The following MACROD2 variants were observed in gnomAD, a reference collection of about 807,000 sequenced individuals.
MACROD2 encodes mono-ADP ribosylhydrolase 2, also known as ADP-ribose glycohydrolase MACROD2.
MACROD2 carries 36 observed loss-of-function variants against 70.4 expected under a neutral mutation model. The ratio of observed to expected loss-of-function variants is 0.51; its 90% CI spans 0.39 to 0.68. MACROD2 has a LOEUF of 0.68. MACROD2 is among the 30% of genes least tolerant of loss of function. MACROD2 has a pLI of 0.00. For missense variants in MACROD2, 496 were observed against 538.4 expected (o/e 0.92, Z 0.78); for synonymous variants, 172 against 178.8 (o/e 0.96, Z 0.30).
intron 3 of MACROD2, among the ~76,000 whole-genome samples, chr20:14,162,592 T>C (rs2055206299): frequency 6.6e-6 from 1 of 152,192 alleles, no homozygotes; most frequent in Non-Finnish European, 1.5e-5. Flanking sequence ...TCTTGTGGAA[T>C]TGATCTCTTT....
intron 8 of MACROD2, among the ~76,000 whole-genome samples, chr20:15,697,219 T>G (rs534333556): frequency 6.6e-6 from 1 of 152,194 alleles, no homozygotes; most frequent in Non-Finnish European, 1.5e-5. Context: ...TAGCACTCCC[T>G]TTGCTGTATC....
At chr20:14,547,255 C>A (rs2085501602) in intron 4 of MACROD2, 2 of 579,682 alleles carry the variant, frequency 3.5e-6, no homozygotes, top group Non-Finnish European at 2.4e-6. Flanking sequence ...CGTGAAGGAT[C>A]TCATCAACCA....
chr20:14,371,791 G>A (rs1343281817), intron 3 of MACROD2, among the ~76,000 whole-genome samples: 1 of 151,840 alleles, frequency 6.6e-6, no homozygotes, highest in Non-Finnish European at 1.5e-5. Context: ...TTGTGCCTAG[G>A]TTCTCTCTTC....
chr20:15,549,938 C>G (rs1053115860), intron 8 of MACROD2, among the ~76,000 whole-genome samples: 2 of 151,892 alleles, frequency 1.3e-5, no homozygotes, highest in African/African-American at 4.8e-5. Flanking sequence ...CATATATACC[C>G]TAAGAAAAAG....
At chr20:14,330,865 A>T (rs1397150991) in intron 3 of MACROD2, among the ~76,000 whole-genome samples, 1 of 152,136 alleles carries the variant, frequency 6.6e-6, no homozygotes, top group Non-Finnish European at 1.5e-5. Context: ...AAGCTGCTGA[A>T]ATTATAATTA....
intron 8 of MACROD2, among the ~76,000 whole-genome samples, chr20:15,594,829 C>A (rs1198089239): frequency 6.6e-6 from 1 of 152,116 alleles, no homozygotes; most frequent in Non-Finnish European, 1.5e-5. Context: ...TACATTAGTT[C>A]TTTAATTCAC....
intron 7 of MACROD2, among the ~76,000 whole-genome samples, chr20:15,493,879 G>A (rs1025310577): frequency 2.0e-5 from 3 of 152,174 alleles, no homozygotes; most frequent in Non-Finnish European, 4.4e-5. Context: ...TAATAACCAA[G>A]TGAAAGGAAA....
At chr20:14,055,864 A>G (rs746366435) in intron 2 of MACROD2, among the ~76,000 whole-genome samples, 1 of 151,926 alleles carries the variant, frequency 6.6e-6, no homozygotes, top group Non-Finnish European at 1.5e-5. Flanking sequence ...TTTGGCTTGT[A>G]CATATTTGTA....
intron 8 of MACROD2, among the ~76,000 whole-genome samples, chr20:15,603,276 A>T (rs2048847230): frequency 6.6e-6 from 1 of 151,962 alleles, no homozygotes; most frequent in Non-Finnish European, 1.5e-5. Context: ...AAGCAGGTGG[A>T]TCCTTTGAGG....
intron 8 of MACROD2, among the ~76,000 whole-genome samples, chr20:15,854,293 G>A (rs1011720043): frequency 1.3e-5 from 2 of 152,116 alleles, no homozygotes; most frequent in African/African-American, 4.8e-5. Flanking sequence ...GGAAGAAAAA[G>A]AGCGCTCGTG....
At chr20:14,664,588 C>T (rs1264620853) in intron 4 of MACROD2, among the ~76,000 whole-genome samples, 1 of 152,024 alleles carries the variant, frequency 6.6e-6, no homozygotes, top group Non-Finnish European at 1.5e-5. Flanking sequence ...CTGAAAGATG[C>T]ACCATCCTGA....
At chr20:14,023,916 G>C (rs1482696988) in intron 2 of MACROD2, among the ~76,000 whole-genome samples, 1 of 152,132 alleles carries the variant, frequency 6.6e-6, no homozygotes, top group Non-Finnish European at 1.5e-5. Flanking sequence ...ATTTAAAGTA[G>C]TTTTTTCCAA....
At chr20:15,595,387 A>G (rs555285173) in intron 8 of MACROD2, among the ~76,000 whole-genome samples, 3 of 152,334 alleles carry the variant, frequency 2.0e-5, no homozygotes, top group African/African-American at 7.2e-5. Flanking sequence ...GTAATTAGCA[A>G]TGTATGATGA....
chr20:14,317,729 T>C (rs2082625842), intron 3 of MACROD2, among the ~76,000 whole-genome samples: 1 of 152,064 alleles, frequency 6.6e-6, no homozygotes, highest in Non-Finnish European at 1.5e-5. Context: ...GAACAGATAC[T>C]CAGTACATCA....
At chr20:15,982,668 C>G (rs1391524048) in intron 13 of MACROD2, among the ~76,000 whole-genome samples, 1 of 152,088 alleles carries the variant, frequency 6.6e-6, no homozygotes, top group Non-Finnish European at 1.5e-5. Context: ...CTCTCTGATA[C>G]CAGGAGTAAG....
rs1169417727 is a variant in MACROD2 at position 14,272,562 on chromosome 20, G to A, written c.271+186834G>A. Among the ~76,000 whole-genome samples, 30 of 151,690 alleles carry A rather than the reference G, an allele frequency of 2.0e-4. No individual in the cohort carries two copies. In the South Asian group the frequency reaches 3.4e-3, roughly 17 times the overall value. On this transcript the variant is annotated intron_variant, in intron 3 of 17. Coordinates refer to ENST00000684519, the MANE Select transcript of MACROD2 (RefSeq NM_001351661.2). ...AACATGCCAAATTGTAAAGACCATCGAGACTAGGAAGAAACTGCATCAACT... is the reference window on the plus strand; with the variant it reads ...AACATGCCAAATTGTAAAGACCATCAAGACTAGGAAGAAACTGCATCAACT...
chr20:15,196,853 A>G (rs2076610129), intron 5 of MACROD2: 2 of 985,190 alleles, frequency 2.0e-6, no homozygotes, highest in Non-Finnish European at 1.2e-6. Context: ...CATACCAGAT[A>G]TGCCACTATC....
At chr20:15,549,094 G>T (rs766784701) in intron 8 of MACROD2, among the ~76,000 whole-genome samples, 7 of 152,222 alleles carry the variant, frequency 4.6e-5, no homozygotes, top group Non-Finnish European at 1.0e-4. Flanking sequence ...AAAATTGTAA[G>T]ATAGTAAGAT....
intron 5 of MACROD2, among the ~76,000 whole-genome samples, chr20:14,798,573 G>A (rs1181762096): frequency 6.6e-6 from 1 of 152,046 alleles, no homozygotes; most frequent in African/African-American, 2.4e-5. Flanking sequence ...TTGTGTAGCT[G>A]CTACCCATAT....
Sources: allele counts gnomAD v4.1 joint callset (sites outside exome capture counted in the v4.1 genomes callset), GRCh38; gene constraint gnomAD v4.1.1; transcripts MANE v1.5; gene names NCBI Gene and HGNC (gene_info 2026-07-23, HGNC 2026-07-21).